The following NECTIN3 variants were observed in gnomAD, a reference collection of about 807,000 sequenced individuals.
NECTIN3 encodes nectin-3.
A neutral mutation model predicts 49.4 loss-of-function variants in NECTIN3; 8 were observed. That is an observed-to-expected ratio of 0.16 (90% CI 0.10 to 0.29). NECTIN3 has a LOEUF of 0.29. Among genes scored for constraint, NECTIN3 ranks in the 10% least tolerant of loss-of-function variants. The pLI is 1.00. For missense variants in NECTIN3, 581 were observed against 654.6 expected, an observed-to-expected ratio of 0.89 and a Z score of 1.23; for synonymous variants, 277 against 241.1, an observed-to-expected ratio of 1.15 and a Z score of -1.38.
chr3:111,117,527 A>T (rs1451069343), intron 2 of NECTIN3, among the ~76,000 whole-genome samples: 1 of 152,062 alleles, frequency 6.6e-6, no homozygotes, highest in African/African-American at 2.4e-5. Flanking sequence ...TTCATTTGTT[A>T]TTTTACAGTA....
chr3:111,188,234 G>C (rs1002691430), upstream of NECTIN3, among the ~76,000 whole-genome samples: 1 of 152,202 alleles, frequency 6.6e-6, no homozygotes, highest in Non-Finnish European at 1.5e-5. Context: ...ACAAAATCTT[G>C]TCAGAGTTTA....
intron 2 of NECTIN3, among the ~76,000 whole-genome samples, chr3:111,114,802 A>AT (rs940697557): frequency 2.3e-4 from 35 of 151,532 alleles, no homozygotes; most frequent in East Asian, 3.9e-4. Flanking sequence ...TTATACATGG[A>AT]TTTTTTTTTC....
At chr3:111,128,878 A>G (rs551761959) in intron 5 of NECTIN3, among the ~76,000 whole-genome samples, 7 of 152,264 alleles carry the variant, frequency 4.6e-5, no homozygotes, top group Non-Finnish European at 1.0e-4. Flanking sequence ...ATGAGCAGCT[A>G]GGGTAGTTCT....
intron 6 of NECTIN3, chr3:111,147,354 T>C (rs1322812645): frequency 7.4e-7 from 1 of 1,348,634 alleles, no homozygotes; most frequent in South Asian, 1.4e-5. Context: ...TTTGCTTTTT[T>C]TTTTTTTCCT....
intron 4 of NECTIN3, among the ~76,000 whole-genome samples, chr3:111,123,726 G>A (rs913909512): frequency 6.6e-6 from 1 of 151,966 alleles, no homozygotes; most frequent in Non-Finnish European, 1.5e-5. Flanking sequence ...GGATTCTTTG[G>A]ACCAAATTGG....
At chr3:111,158,427 G>GA (rs1381686683) in intron 7 of NECTIN3, among the ~76,000 whole-genome samples, 1 of 151,996 alleles carries the variant, frequency 6.6e-6, no homozygotes, top group African/African-American at 2.4e-5. Context: ...TCCTGTTTAT[G>GA]AAAAGAAATG....
intron 2 of NECTIN3, among the ~76,000 whole-genome samples, chr3:111,118,248 C>CTATATATATATATATATATATATATATA (rs34878535): frequency 1.3e-5 from 1 of 78,002 alleles, no homozygotes; most frequent in Non-Finnish European, 2.6e-5. Flanking sequence ...TAAAATGAAG[C>CTATATATATATATATATATATATATATA]TATATATATA....
Position 111,071,881 on chromosome 3 carries a change from C to A in NECTIN3, c.-137C>A. The A allele has an allele frequency of 2.0e-6, 1 of 503,310 alleles. No homozygotes were observed. The highest frequency in any genetic ancestry group is 3.1e-6 in the Non-Finnish European group (1 of 322,560). 31.2% of individuals were successfully genotyped at this position (503,310 alleles called of 1,614,324 possible). ...CCGCCAGCGTTCGGCCAAGTGTCAG[C>A]CGGCAGCGACGGCGCTAGAGCTGGG... On this transcript the variant is annotated 5_prime_UTR_variant, in exon 1 of 6. Coordinates refer to ENST00000485303, the MANE Select transcript of NECTIN3 (RefSeq NM_015480.3).
chr3:111,117,674 A>G (rs1298623859), intron 2 of NECTIN3, among the ~76,000 whole-genome samples: 1 of 152,208 alleles, frequency 6.6e-6, no homozygotes, highest in South Asian at 2.1e-4. Flanking sequence ...GATGGTATTA[A>G]AAGAACCAAC....
intron 7 of NECTIN3, among the ~76,000 whole-genome samples, chr3:111,151,959 C>A (rs1234913799): frequency 6.6e-6 from 1 of 151,826 alleles, no homozygotes; most frequent in East Asian, 1.9e-4. Context: ...AAAACACACA[C>A]ACACACACAC....
At chr3:111,120,819 C>T (rs990081929) in intron 3 of NECTIN3, among the ~76,000 whole-genome samples, 4 of 152,034 alleles carry the variant, frequency 2.6e-5, no homozygotes, top group African/African-American at 7.2e-5. Flanking sequence ...CCATGCCCAA[C>T]TTAAATTAGG....
chr3:111,094,239 C>T (rs995993462), intron 1 of NECTIN3, among the ~76,000 whole-genome samples: 7 of 151,556 alleles, frequency 4.6e-5, no homozygotes, highest in Admixed American at 2.0e-4. Context: ...TATTTTATGT[C>T]TATTGACTTA....
chr3:111,124,461 C>T (rs896222140), intron 4 of NECTIN3, among the ~76,000 whole-genome samples: 2 of 151,984 alleles, frequency 1.3e-5, no homozygotes, highest in East Asian at 3.9e-4. Context: ...AACTTTGAGC[C>T]CAAAGTACAA....
chr3:111,165,281 G>C (rs1231149583), intron 7 of NECTIN3, among the ~76,000 whole-genome samples: 1 of 152,020 alleles, frequency 6.6e-6, no homozygotes, highest in Non-Finnish European at 1.5e-5. Flanking sequence ...CTGACCTCGT[G>C]ATCCGCCCAC....
At chr3:111,125,362 C>G (rs1032638196) in intron 4 of NECTIN3, among the ~76,000 whole-genome samples, 5 of 151,040 alleles carry the variant, frequency 3.3e-5, no homozygotes, top group East Asian at 1.9e-4. Context: ...AACAAACAAA[C>G]AAAAACCTTT....
chr3:111,077,735 A>G (rs534864112), intron 1 of NECTIN3, among the ~76,000 whole-genome samples: 6 of 152,320 alleles, frequency 3.9e-5, no homozygotes, highest in African/African-American at 1.2e-4. Flanking sequence ...TTGACCAAAT[A>G]TTATCAATCT....
intron 1 of NECTIN3, among the ~76,000 whole-genome samples, chr3:111,090,431 T>C (rs1470035869): frequency 6.6e-6 from 1 of 152,098 alleles, no homozygotes; most frequent in Non-Finnish European, 1.5e-5. Flanking sequence ...CCCTAGAGAT[T>C]ACAAGATGCA....
chr3:111,079,575 C>T (rs1446268227), intron 1 of NECTIN3, among the ~76,000 whole-genome samples: 2 of 151,614 alleles, frequency 1.3e-5, no homozygotes, highest in East Asian at 3.9e-4. Context: ...TTCTCCATTC[C>T]TTTAATTTTT....
At position 111,122,195 on chromosome 3, in the gene NECTIN3, A is replaced by G; in HGVS notation, c.874A>G (p.Asn292Asp). ...AAGAAAAGGTGTTAATCTCAAATGT[A>G]ATGCTGATGCAAATCCACCACCCTT... ...VGRKGVNLKC[N>D]ADANPPPFKS... Residue 292 changes from asparagine (N) to aspartate (D), a missense_variant, in exon 4 of 6, where the codon AAT becomes GAT. Asn to Asp is a conservative substitution (Grantham distance 23). This residue lies in a region of NECTIN3 where 234 missense variants were observed against 340.6 expected (regional missense o/e 0.69). Coordinates refer to ENST00000485303, the MANE Select transcript of NECTIN3 (RefSeq NM_015480.3). The G allele has an allele frequency of 6.2e-7, 1 of 1,613,558 alleles. No homozygotes were observed. Among genetic ancestry groups the G allele is most frequent in the South Asian group, 1.1e-5 (1 of 91,072 alleles).
Sources: gnomAD v4.1 joint callset for allele counts (sites outside exome capture counted in the v4.1 genomes callset) on GRCh38, gnomAD v4.1.1 for gene constraint, gnomAD v4.1.1 regional missense constraint, MANE v1.5 for transcripts, NCBI Gene and HGNC (gene_info 2026-07-23, HGNC 2026-07-21) for gene names.